Variants in GALNT7 observed in about 807,000 individuals in gnomAD.
GALNT7 encodes polypeptide N-acetylgalactosaminyltransferase 7.
Under a neutral mutation model 82.1 loss-of-function variants are expected in GALNT7, and 60 were observed. The observed-to-expected ratio is 0.73, with a 90% CI of 0.59 to 0.91. The LOEUF is 0.91. GALNT7 is among the 40% of genes least tolerant of loss of function. The pLI is 0.00. For missense variants in GALNT7, 660 were observed against 804.2 expected (o/e 0.82, Z 2.17); for synonymous variants, 243 against 275.1 (o/e 0.88, Z 1.15).
At chr4:173,280,853 A>G (rs751465189) in intron 2 of GALNT7, among the ~76,000 whole-genome samples, 2 of 152,226 alleles carry the variant, frequency 1.3e-5, no homozygotes, top group Non-Finnish European at 1.5e-5. Context: ...TTTGTGTATT[A>G]TAAATACTAC....
intron 1 of GALNT7, among the ~76,000 whole-genome samples, chr4:173,170,124 G>T (rs879654789): frequency 2.6e-5 from 4 of 152,136 alleles, no homozygotes; most frequent in Non-Finnish European, 5.9e-5. Context: ...CCCCGACCCT[G>T]ACCTGCTTCC....
chr4:173,216,370 G>A (rs1208097383), intron 1 of GALNT7, among the ~76,000 whole-genome samples: 1 of 152,120 alleles, frequency 6.6e-6, no homozygotes, highest in African/African-American at 2.4e-5. Flanking sequence ...CAATAGTGGA[G>A]GGCGTAATGT....
At chr4:173,211,527 A>G (rs1027579666) in intron 1 of GALNT7, among the ~76,000 whole-genome samples, 2 of 152,228 alleles carry the variant, frequency 1.3e-5, no homozygotes, top group Non-Finnish European at 2.9e-5. Flanking sequence ...AACATATAGG[A>G]TAAGAATGTA....
rs1171762048 is a variant in GALNT7 at position 173,295,402 on chromosome 4, TAAAAG to T, written c.766_770del (p.Glu256ThrfsTer3). The T allele has an allele frequency of 2.5e-6, 4 of 1,578,850 alleles. No individual in the cohort carries two copies. Among genetic ancestry groups the T allele is most frequent in the Non-Finnish European group, 3.5e-6 (4 of 1,148,922 alleles). On this transcript the variant is annotated frameshift_variant, in exon 4 of 12. Transcript: ENST00000265000. LOFTEE classifies it high-confidence loss of function. ...GATTGATTTTTCTTAACAGAACACTTAAAAGAAAAACTGGATGAATATATTAAGCT... is the reference window on the plus strand; with the variant it reads ...GATTGATTTTTCTTAACAGAACACTTAAAAACTGGATGAATATATTAAGCT...
chr4:173,321,608 C>A lies in GALNT7; in HGVS notation c.1865C>A (p.Ser622Ter). 6.2e-7 allele frequency: 1 copy of A among 1,611,612 alleles called. No homozygotes were observed. Among genetic ancestry groups the A allele is most frequent in the East Asian group, 2.2e-5 (1 of 44,842 alleles). Residue 622 changes from serine to a stop codon, truncating the protein, a stop_gained, in exon 12 of 12, where the codon TCA becomes TAA. Coordinates refer to ENST00000265000, the MANE Select transcript of GALNT7 (RefSeq NM_017423.3). LOFTEE classifies it high-confidence loss of function. Reference protein sequence around the residue: ...KNLHRFTHIPSGKCLDRSEVL... With the variant: ...KNLHRFTHIP ...CTGCACAGATTTACTCATATTCCTT[C>A]AGGAAAGTGTTTAGATCGCTCAGAG...
intron 1 of GALNT7, among the ~76,000 whole-genome samples, chr4:173,205,083 C>G (rs1733044074): frequency 6.6e-6 from 1 of 152,118 alleles, no homozygotes; most frequent in Non-Finnish European, 1.5e-5. Flanking sequence ...GGTGGGTGGG[C>G]CTGGTACCTG....
intron 1 of GALNT7, among the ~76,000 whole-genome samples, chr4:173,171,629 A>G (rs1731877399): frequency 6.6e-6 from 1 of 152,222 alleles, no homozygotes; most frequent in South Asian, 2.1e-4. Flanking sequence ...CATGTTTCTT[A>G]TTTCCTTCCC....
At chr4:173,290,691 T>G (rs1413600802) in intron 2 of GALNT7, among the ~76,000 whole-genome samples, 2 of 152,232 alleles carry the variant, frequency 1.3e-5, no homozygotes, top group Admixed American at 6.5e-5. Context: ...ATGCATTACT[T>G]TGTAATTCTT....
chr4:173,214,462 G>C (rs1193969833), intron 1 of GALNT7, among the ~76,000 whole-genome samples: 1 of 152,166 alleles, frequency 6.6e-6, no homozygotes, highest in Admixed American at 6.5e-5. Flanking sequence ...TGCCCGCTGG[G>C]ACAGAAAGTG....
intron 1 of GALNT7, among the ~76,000 whole-genome samples, chr4:173,206,109 G>A (rs1387798532): frequency 2.0e-5 from 3 of 152,216 alleles, no homozygotes; most frequent in African/African-American, 7.2e-5. Context: ...GGGTCTGCAG[G>A]TGCAAGCCTG....
intron 1 of GALNT7, among the ~76,000 whole-genome samples, chr4:173,206,956 G>C (rs950831941): frequency 6.6e-6 from 1 of 152,224 alleles, no homozygotes; most frequent in Non-Finnish European, 1.5e-5. Flanking sequence ...TTGTGCAAAA[G>C]GGCACTTTGC....
chr4:173,304,131 G>A lies in GALNT7; in HGVS notation c.1389+13G>A. 1 of 1,609,906 alleles carries A rather than the reference G, an allele frequency of 6.2e-7. No individual in the cohort carries two copies. Among genetic ancestry groups the A allele is most frequent in the Non-Finnish European group, 8.5e-7 (1 of 1,178,000 alleles). On this transcript the variant is annotated intron_variant, in intron 8 of 11. Coordinates refer to ENST00000265000, the MANE Select transcript of GALNT7 (RefSeq NM_017423.3). ...TCCAACTCTGAAGGTGAGTTTTTTGGATAAAAGGGGAGGACAGGGAACTAA... is the reference window on the plus strand; with the variant it reads ...TCCAACTCTGAAGGTGAGTTTTTTGAATAAAAGGGGAGGACAGGGAACTAA...
At chr4:173,306,152 G>A (rs529859239) in intron 8 of GALNT7, among the ~76,000 whole-genome samples, 424 of 151,864 alleles carry the variant, frequency 2.8e-3, no homozygotes, top group Non-Finnish European at 4.6e-3. Flanking sequence ...ATTGTAAATC[G>A]GATTGTTTTC....
At chr4:173,195,873 T>G (rs72711037) in intron 1 of GALNT7, among the ~76,000 whole-genome samples, 4,161 of 152,342 alleles carry the variant, frequency 0.027, 77 homozygotes, top group Non-Finnish European at 0.038. Flanking sequence ...GTGGTTTCTA[T>G]TAACAATTTA....
intron 2 of GALNT7, among the ~76,000 whole-genome samples, chr4:173,262,423 T>C (rs1202490361): frequency 6.6e-6 from 1 of 152,236 alleles, no homozygotes; most frequent in Non-Finnish European, 1.5e-5. Context: ...CTTTTAAATA[T>C]TGACAATTTC....
chr4:173,224,405 TTTTAGTGAAG>T (rs1733738218), intron 1 of GALNT7, among the ~76,000 whole-genome samples: 1 of 152,130 alleles, frequency 6.6e-6, no homozygotes, highest in South Asian at 2.1e-4. Context: ...CCTCAGTTCT[TTTTAGTGAAG>T]GATGGTATGT....
chr4:173,321,954 T>C lies in GALNT7; in HGVS notation c.*237T>C. 2.7e-6 allele frequency: 1 copy of C among 363,936 alleles called. No homozygotes were observed. Among genetic ancestry groups the C allele is most frequent in the Non-Finnish European group, 5.1e-6 (1 of 195,956 alleles). 22.5% of individuals were successfully genotyped at this position (363,936 alleles called of 1,614,324 possible). A position where few individuals can be genotyped will look rare whatever the true frequency, so the allele number is the denominator to read the frequency against. ...CTTTGTAGATGTTTACATCTTTTTGTTGTGTTTTAAGATGATGTTGGTAAT... is the reference window on the plus strand; with the variant it reads ...CTTTGTAGATGTTTACATCTTTTTGCTGTGTTTTAAGATGATGTTGGTAAT... On this transcript the variant is annotated 3_prime_UTR_variant, in exon 12 of 12. Coordinates refer to ENST00000265000, the MANE Select transcript of GALNT7 (RefSeq NM_017423.3).
chr4:173,267,952 T>A (rs961263914), intron 2 of GALNT7, among the ~76,000 whole-genome samples: 2 of 152,222 alleles, frequency 1.3e-5, no homozygotes, highest in East Asian at 3.9e-4. Context: ...TCATGCCAGG[T>A]GTGTGGTATT....
intron 1 of GALNT7, among the ~76,000 whole-genome samples, chr4:173,205,880 G>A (rs4535319): frequency 0.43 from 65,888 of 151,822 alleles, 15,209 homozygotes; most frequent in East Asian, 0.67. Flanking sequence ...GAAGTCTGGG[G>A]CTAATGGGGC....
Sources: gnomAD v4.1 joint callset for allele counts (sites outside exome capture counted in the v4.1 genomes callset) on GRCh38, gnomAD v4.1.1 for gene constraint, MANE v1.5 for transcripts, NCBI Gene and HGNC (gene_info 2026-07-23, HGNC 2026-07-21) for gene names.